AP2A2: variants seen among roughly 807,000 people sequenced by gnomAD.
AP2A2 encodes the protein adaptor related protein complex 2 subunit alpha 2.
A neutral mutation model predicts 104.2 loss-of-function variants in AP2A2; 32 were observed. The ratio of observed to expected loss-of-function variants is 0.31; its 90% CI spans 0.23 to 0.41. AP2A2 has a LOEUF of 0.41. Among genes scored for constraint, AP2A2 ranks in the 10% least tolerant of loss-of-function variants. AP2A2 has a pLI of 1.00. For synonymous variants in AP2A2, 539 were observed against 533.3 expected (o/e 1.01, Z -0.15); for missense variants, 912 against 1,261.0 (o/e 0.72, Z 4.19).
rs1856359492 is a variant in AP2A2 at position 1,009,785 on chromosome 11, C to T, written c.2710C>T (p.Leu904=). The T allele has an allele frequency of 6.5e-6, 10 of 1,549,810 alleles. No individual in the cohort carries two copies. Among genetic ancestry groups the T allele is most frequent in the Non-Finnish European group, 8.7e-6 (10 of 1,145,494 alleles). ...IHTKTTQIGC[L]LRLEPNLQAQ... ...CACGAAAACCACCCAGATTGGATGCCTGCTGCGCTTGGAGCCGAACCTGCA... is the reference window on the plus strand; with the variant it reads ...CACGAAAACCACCCAGATTGGATGCTTGCTGCGCTTGGAGCCGAACCTGCA... Residue 904 remains leucine (L), a synonymous_variant, in exon 21 of 22, where the codon CTG becomes TTG. Coordinates refer to ENST00000448903, the MANE Select transcript of AP2A2 (RefSeq NM_012305.4).
chr11:979,016 C>T (rs1263408620), intron 5 of AP2A2, among the ~76,000 whole-genome samples: 3 of 151,828 alleles, frequency 2.0e-5, no homozygotes, highest in Non-Finnish European at 4.4e-5. Context: ...ACAGGAGACA[C>T]CATGGGGAGA....
chr11:970,102 C>G, intron 2 of AP2A2, 67 bp from the exon 3 acceptor site: 1 of 1,568,956 alleles, frequency 6.4e-7, no homozygotes, highest in Non-Finnish European at 8.7e-7. Context: ...CTGCACTGCC[C>G]TCTGCTCTCC....
intron 17 of AP2A2, chr11:1,007,272 A>G (rs1474918354): frequency 1.3e-5 from 2 of 153,344 alleles, no homozygotes; most frequent in Non-Finnish European, 1.5e-5. Flanking sequence ...TCATTTTAAC[A>G]TGAACATGTT....
At chr11:982,776 G>A (rs1052085610) in intron 6 of AP2A2, among the ~76,000 whole-genome samples, 1 of 151,216 alleles carries the variant, frequency 6.6e-6, no homozygotes, top group Non-Finnish European at 1.5e-5. Flanking sequence ...TCAGCCTCCC[G>A]AGTAGCTGGG....
intron 1 of AP2A2, among the ~76,000 whole-genome samples, chr11:950,311 GTTTT>G (rs367721619): frequency 7.5e-6 from 1 of 133,880 alleles, no homozygotes; most frequent in Admixed American, 7.6e-5. Flanking sequence ...TTGGAATATG[GTTTT>G]TTTTTTTTTT....
chr11:980,684 GTGGTTGAGTGA>G (rs1855207018), intron 5 of AP2A2, among the ~76,000 whole-genome samples: 1 of 152,256 alleles, frequency 6.6e-6, no homozygotes, highest in African/African-American at 2.4e-5. Flanking sequence ...CCAGCCTATG[GTGGTTGAGTGA>G]CTGCCAGGGC....
At chr11:954,829 AG>A (rs1466207965) in intron 1 of AP2A2, among the ~76,000 whole-genome samples, 2 of 152,056 alleles carry the variant, frequency 1.3e-5, no homozygotes, top group Non-Finnish European at 2.9e-5. Context: ...CCCACAGAGG[AG>A]GGGGGTTAAC....
At position 992,932 on chromosome 11, in the gene AP2A2, G is replaced by A. The variant is rs1855709184; in HGVS notation, c.1452+247G>A. 6.6e-6 allele frequency among the ~76,000 whole-genome samples: 1 copy of A among 152,182 alleles called. No individual in the cohort carries two copies. The highest frequency in any genetic ancestry group is 2.4e-5 in the African/African-American group (1 of 41,454). Reference sequence around the variant, plus strand: ...CACCTGAGAAAGCCGGCCTCTGTGTGTGTGAGAGCATGCTGGGGCATGCCG... The same window carrying A: ...CACCTGAGAAAGCCGGCCTCTGTGTATGTGAGAGCATGCTGGGGCATGCCG... On this transcript the variant is annotated intron_variant, in intron 11 of 21. Transcript: ENST00000448903. The surrounding 1 kb of genome is among the most constrained non-coding windows in gnomAD (Gnocchi z 6.4).
At chr11:983,124 TC>T (rs1182818353) in intron 6 of AP2A2, among the ~76,000 whole-genome samples, 1 of 149,762 alleles carries the variant, frequency 6.7e-6, no homozygotes, top group African/African-American at 2.5e-5. Context: ...TTCAAGCGAT[TC>T]TCCTACCTCA....
chr11:931,909 T>A (rs1245561642), intron 1 of AP2A2, among the ~76,000 whole-genome samples: 1 of 151,754 alleles, frequency 6.6e-6, no homozygotes, highest in Non-Finnish European at 1.5e-5. Flanking sequence ...GTCCAAGTGA[T>A]TCTTGTGCCT....
chr11:1,009,894 G>A, intron 21 of AP2A2, 77 bp downstream of exon 21: 1 of 1,464,894 alleles, frequency 6.8e-7, no homozygotes, highest in South Asian at 1.3e-5. Flanking sequence ...GAGATGTGTA[G>A]CTCTTTAGTG....
chr11:999,974 T>C (rs1490170028), intron 14 of AP2A2, among the ~76,000 whole-genome samples: 1 of 151,846 alleles, frequency 6.6e-6, no homozygotes, highest in Non-Finnish European at 1.5e-5. Context: ...CGGCTAATTT[T>C]TTTTGTATTT....
intron 1 of AP2A2, among the ~76,000 whole-genome samples, chr11:954,382 A>C (rs956843166): frequency 1.3e-5 from 2 of 151,888 alleles, no homozygotes; most frequent in African/African-American, 4.8e-5. Flanking sequence ...ATTTGTATTT[A>C]TGCATGTGTG....
intron 2 of AP2A2, among the ~76,000 whole-genome samples, chr11:961,000 C>T (rs896509293): frequency 6.6e-6 from 1 of 152,260 alleles, no homozygotes; most frequent in Non-Finnish European, 1.5e-5. Context: ...AACCAGTGAT[C>T]TCAAGTTGGG....
chr11:964,202 C>T (rs192552923), intron 2 of AP2A2, among the ~76,000 whole-genome samples: 102 of 152,350 alleles, frequency 6.7e-4, no homozygotes, highest in Non-Finnish European at 1.1e-3. Flanking sequence ...GGGTGCTCTA[C>T]ACAACCTCAA....
intron 1 of AP2A2, among the ~76,000 whole-genome samples, chr11:944,388 TC>T (rs1009254774): frequency 7.9e-5 from 12 of 152,164 alleles, no homozygotes; most frequent in Non-Finnish European, 1.6e-4. Context: ...GCCAGGCACT[TC>T]CCAGGATTCT....
chr11:950,161 T>C (rs539279019), intron 1 of AP2A2, among the ~76,000 whole-genome samples: 3 of 152,222 alleles, frequency 2.0e-5, no homozygotes, highest in East Asian at 3.9e-4. Context: ...CTGGGATGAC[T>C]GAATCTCCAT....
intron 15 of AP2A2, chr11:1,001,434 C>T (rs1303867604): frequency 6.6e-6 from 1 of 152,346 alleles, no homozygotes; most frequent in East Asian, 1.9e-4. Context: ...CGGTTTCTGT[C>T]CCAGATGGAG....
intron 6 of AP2A2, among the ~76,000 whole-genome samples, chr11:983,677 CT>C (rs1174778295): frequency 2.0e-5 from 3 of 152,186 alleles, no homozygotes; most frequent in African/African-American, 4.8e-5. Context: ...GCCACCGCAC[CT>C]GGCCTAGTCT....
Sources: gnomAD v4.1 joint callset for allele counts (sites outside exome capture counted in the v4.1 genomes callset) on GRCh38, gnomAD v4.1.1 for gene constraint, Gnocchi (gnomAD v3.1) non-coding constraint, MANE v1.5 for transcripts, NCBI Gene and HGNC (gene_info 2026-07-23, HGNC 2026-07-21) for gene names.